The following TAFA4 variants were observed in gnomAD, a reference collection of about 807,000 sequenced individuals.
TAFA4 encodes the protein TAFA chemokine like family member 4, also known as chemokine-like protein TAFA-4.
In TAFA4, 20 loss-of-function variants were observed where a neutral mutation model predicts 21.1. The ratio of observed to expected loss-of-function variants is 0.95; its 90% CI spans 0.67 to 1.38. The LOEUF is 1.38. Ranked by LOEUF, TAFA4 falls within the 40% of genes most tolerant of loss-of-function variation. The pLI is 0.00. For missense variants in TAFA4, 211 were observed against 180.9 expected, an observed-to-expected ratio of 1.17 and a Z score of -0.95; for synonymous variants, 71 against 67.4, an observed-to-expected ratio of 1.05 and a Z score of -0.26.
At chr3:68,894,550 T>G (rs567381406) in intron 1 of TAFA4, among the ~76,000 whole-genome samples, 1 of 152,314 alleles carries the variant, frequency 6.6e-6, no homozygotes, top group African/African-American at 2.4e-5. Flanking sequence ...GAAAGCAGAC[T>G]CAGCGCTGGC....
At chr3:68,920,789 C>G (rs1559563960) in intron 1 of TAFA4, among the ~76,000 whole-genome samples, 1 of 152,078 alleles carries the variant, frequency 6.6e-6, no homozygotes, top group Admixed American at 6.6e-5. Flanking sequence ...CATTCCCAGC[C>G]AGCAGACAGT....
At chr3:68,747,019 AG>A (rs991319394) in intron 4 of TAFA4, among the ~76,000 whole-genome samples, 14 of 152,280 alleles carry the variant, frequency 9.2e-5, no homozygotes, top group African/African-American at 3.4e-4. Flanking sequence ...AATATCCCCA[AG>A]GGGGCAAAAT....
At chr3:68,880,139 A>G (rs1489558761) in intron 3 of TAFA4, among the ~76,000 whole-genome samples, 1 of 152,120 alleles carries the variant, frequency 6.6e-6, no homozygotes, top group Non-Finnish European at 1.5e-5. Context: ...TCAGCAATGC[A>G]GAGATATGAG....
intron 3 of TAFA4, among the ~76,000 whole-genome samples, chr3:68,813,286 C>T (rs1411155792): frequency 6.6e-6 from 1 of 152,064 alleles, no homozygotes; most frequent in African/African-American, 2.4e-5. Flanking sequence ...AGAGCAAACA[C>T]ATTCAAAAGC....
At position 68,732,631 on chromosome 3, in the gene TAFA4, AATCAGTTG is replaced by A. The variant is rs2106715830; in HGVS notation, c.*503_*510del. The stretch of plus-strand genomic sequence containing the variant: ...ATAAAATAAACGTTCTTTACCAGTT[AATCAGTTG>A]ATCTCTAGCAGTAATTTTCTTCACC... On this transcript the variant is annotated 3_prime_UTR_variant, in exon 6 of 6. Coordinates refer to ENST00000295569, the MANE Select transcript of TAFA4 (RefSeq NM_182522.5). 6.5e-6 allele frequency: 1 copy of A among 153,260 alleles called. No homozygotes were observed. Among genetic ancestry groups the A allele is most frequent in the South Asian group, 2.1e-4 (1 of 4,838 alleles). The allele number at this position is 153,260 out of a possible 1,614,324, so 9.5% of individuals were successfully genotyped here.
chr3:68,765,982 A>G (rs1702846895), intron 3 of TAFA4, among the ~76,000 whole-genome samples: 1 of 152,212 alleles, frequency 6.6e-6, no homozygotes. Context: ...CAGAGAGTCC[A>G]TGCTTCCATA....
chr3:68,747,687 T>TGAAACCTATGCTGACGAGGTGACCTGTC (rs1702485200), intron 4 of TAFA4, among the ~76,000 whole-genome samples: 1 of 152,192 alleles, frequency 6.6e-6, no homozygotes, highest in African/African-American at 2.4e-5. Flanking sequence ...GAGCTCACCA[T>TGAAACCTATGCTGACGAGGTGACCTGTC]GAAACCTATG....
chr3:68,886,479 C>A (rs2089673333), intron 1 of TAFA4, among the ~76,000 whole-genome samples: 1 of 152,182 alleles, frequency 6.6e-6, no homozygotes, highest in African/African-American at 2.4e-5. Context: ...AAGAACTACA[C>A]AATATAATTC....
chr3:68,902,429 A>G (rs73093128), intron 1 of TAFA4, among the ~76,000 whole-genome samples: 29,248 of 151,858 alleles, frequency 0.19, 3,417 homozygotes, highest in East Asian at 0.5. Context: ...CTGCAGTGGC[A>G]TGATCATGGC....
At chr3:68,794,951 T>A (rs1313788611) in intron 3 of TAFA4, among the ~76,000 whole-genome samples, 1 of 150,634 alleles carries the variant, frequency 6.6e-6, no homozygotes, top group Admixed American at 6.6e-5. Flanking sequence ...TCCTACCAAG[T>A]GTTAGAAAGC....
chr3:68,774,936 A>G (rs1703022756), intron 3 of TAFA4, among the ~76,000 whole-genome samples: 3 of 152,224 alleles, frequency 2.0e-5, no homozygotes, highest in East Asian at 1.9e-4. Flanking sequence ...GATATTAAAA[A>G]GCTGCAAAAA....
In TAFA4 at chr3:68,732,523, A is replaced by C. The variant is rs977790959; in HGVS notation, c.*619T>G. The C allele has an allele frequency of 3.3e-5, 5 of 152,696 alleles. No homozygotes were observed. Among genetic ancestry groups the C allele is most frequent in the African/African-American group, 1.2e-4 (5 of 41,560 alleles). The allele number at this position is 152,696 out of a possible 1,614,324, so 9.5% of individuals were successfully genotyped here. ...TCTCATTTTATCTCTGCTAACTGGA[A>C]AATGGAAAGCAAAAAAAAAATAGAA... On this transcript the variant is annotated 3_prime_UTR_variant, in exon 6 of 6. Transcript: ENST00000295569.
At chr3:68,883,982 CA>C (rs61319014) in intron 2 of TAFA4, among the ~76,000 whole-genome samples, 50,213 of 148,964 alleles carry the variant, frequency 0.34, 9,379 homozygotes, top group East Asian at 0.67. Flanking sequence ...GAGGGAAAGA[CA>C]AAAAAAAATG....
chr3:68,876,289 A>C (rs142651069), intron 3 of TAFA4, among the ~76,000 whole-genome samples: 4 of 152,328 alleles, frequency 2.6e-5, no homozygotes, highest in African/African-American at 9.6e-5. Context: ...CTATTTAGCT[A>C]TGATAAGCCT....
At chr3:68,741,842 A>AAG (rs1559755353) in intron 4 of TAFA4, among the ~76,000 whole-genome samples, 1 of 152,204 alleles carries the variant, frequency 6.6e-6, no homozygotes, top group African/African-American at 2.4e-5. Context: ...CTTCCAAAGA[A>AAG]TCGAAGAAGA....
intron 3 of TAFA4, among the ~76,000 whole-genome samples, chr3:68,771,079 T>C (rs2106782451): frequency 6.6e-6 from 1 of 152,126 alleles, no homozygotes; most frequent in South Asian, 2.1e-4. Flanking sequence ...GGGTGGCCTG[T>C]GTCCAGGGAA....
At chr3:68,754,423 G>T (rs1702620656) in intron 3 of TAFA4, among the ~76,000 whole-genome samples, 1 of 152,046 alleles carries the variant, frequency 6.6e-6, no homozygotes, top group Non-Finnish European at 1.5e-5. Context: ...CAATTATTTT[G>T]CAGAATGTCC....
At chr3:68,929,976 A>G (rs1040986171) in intron 1 of TAFA4, among the ~76,000 whole-genome samples, 1 of 152,238 alleles carries the variant, frequency 6.6e-6, no homozygotes, top group Non-Finnish European at 1.5e-5. Flanking sequence ...ATCCCCAGTG[A>G]ATGCAGTTTT....
At chr3:68,856,567 T>A (rs1387797579) in intron 3 of TAFA4, among the ~76,000 whole-genome samples, 3 of 152,094 alleles carry the variant, frequency 2.0e-5, no homozygotes, top group Admixed American at 6.6e-5. Flanking sequence ...GCTCCATAGG[T>A]ACAACAACCT....
Sources: allele counts gnomAD v4.1 joint callset (sites outside exome capture counted in the v4.1 genomes callset), GRCh38; gene constraint gnomAD v4.1.1; transcripts MANE v1.5; gene names NCBI Gene and HGNC (gene_info 2026-07-23, HGNC 2026-07-21).